The following RARB variants were observed in gnomAD, a reference collection of about 807,000 sequenced individuals.
The protein encoded by RARB is retinoic acid receptor beta, also known as HBV-activated protein.
RARB carries 17 observed loss-of-function variants against 51.9 expected under a neutral mutation model. That is an observed-to-expected ratio of 0.33 (90% CI 0.22 to 0.49). The LOEUF (loss-of-function observed/expected upper bound fraction) is 0.49, where lower values mean the gene tolerates loss of function less well. Ranked by LOEUF, RARB falls within the 20% of genes least tolerant of loss-of-function variation. The probability of loss-of-function intolerance (pLI) is 0.99; values close to 1 mark genes in which losing one functional copy is unlikely to be tolerated. For synonymous variants in RARB, 215 were observed against 195.4 expected, an observed-to-expected ratio of 1.10 and a Z score of -0.84; for missense variants, 369 against 550.8, an observed-to-expected ratio of 0.67 and a Z score of 3.30.
chr3:25,069,454 A>G (rs1470724823), intron 3 of RARB, among the ~76,000 whole-genome samples: 14 of 152,192 alleles, frequency 9.2e-5, no homozygotes, highest in Non-Finnish European at 2.1e-4. Context: ...CCAAATTTAT[A>G]TGCTGGATCA....
At chr3:25,199,050 A>C (rs1701317685) in intron 5 of RARB, among the ~76,000 whole-genome samples, 1 of 152,190 alleles carries the variant, frequency 6.6e-6, no homozygotes, top group South Asian at 2.1e-4. Flanking sequence ...CTAAGTGTCC[A>C]TCAGCAGATG....
chr3:25,512,538 T>C (rs1697947083), intron 3 of RARB, among the ~76,000 whole-genome samples: 1 of 152,230 alleles, frequency 6.6e-6, no homozygotes, highest in African/African-American at 2.4e-5. Context: ...CCCCCAAATG[T>C]GCCACACACT....
At chr3:25,280,735 C>T (rs1042397307) in intron 5 of RARB, among the ~76,000 whole-genome samples, 5 of 152,102 alleles carry the variant, frequency 3.3e-5, no homozygotes, top group Admixed American at 6.5e-5. Flanking sequence ...ATTTTTTCAC[C>T]TTCCGTTGTA....
intron 2 of RARB, among the ~76,000 whole-genome samples, chr3:24,869,155 A>T (rs1559377129): frequency 6.6e-6 from 1 of 152,152 alleles, no homozygotes; most frequent in Non-Finnish European, 1.5e-5. Context: ...TTTATGTATG[A>T]TGTTATTTTA....
chr3:25,339,669 C>G (rs932673003), intron 5 of RARB, among the ~76,000 whole-genome samples: 12 of 151,270 alleles, frequency 7.9e-5, no homozygotes, highest in African/African-American at 2.9e-4. Flanking sequence ...CATACACCCA[C>G]AAAGGCACAG....
At chr3:25,197,180 C>A (rs1235304233) in intron 5 of RARB, among the ~76,000 whole-genome samples, 2 of 152,000 alleles carry the variant, frequency 1.3e-5, no homozygotes, top group Non-Finnish European at 2.9e-5. Flanking sequence ...AGGTTGTCTT[C>A]TAGGGTTATT....
chr3:25,580,779 G>C (rs1275955657), intron 5 of RARB, 57 bp downstream of exon 5: 6 of 1,477,656 alleles, frequency 4.1e-6, no homozygotes, highest in Non-Finnish European at 5.5e-6. Flanking sequence ...GCACCGTGGA[G>C]GGGAGGGAGG....
intron 2 of RARB, among the ~76,000 whole-genome samples, chr3:24,973,967 G>C (rs1390526190): frequency 6.6e-6 from 1 of 151,940 alleles, no homozygotes; most frequent in East Asian, 1.9e-4. Flanking sequence ...AATTGCTCTG[G>C]CCAGAACTTT....
intron 1 of RARB, among the ~76,000 whole-genome samples, chr3:25,434,055 C>T (rs984729569): frequency 6.6e-6 from 1 of 152,128 alleles, no homozygotes; most frequent in East Asian, 1.9e-4. Flanking sequence ...AGACTCTCTG[C>T]CCCCTGCGCG....
At chr3:24,856,877 CTTTTCACA>C (rs1702643194) in intron 1 of RARB, among the ~76,000 whole-genome samples, 1 of 152,140 alleles carries the variant, frequency 6.6e-6, no homozygotes, top group Non-Finnish European at 1.5e-5. Context: ...TCTGTCTCCT[CTTTTCACA>C]TTGAAATGAT....
chr3:25,050,879 C>G (rs1025262866), intron 2 of RARB, among the ~76,000 whole-genome samples: 1 of 152,158 alleles, frequency 6.6e-6, no homozygotes, highest in African/African-American at 2.4e-5. Context: ...AATGAACTTG[C>G]TTCTTGTTGA....
intron 5 of RARB, among the ~76,000 whole-genome samples, chr3:25,292,566 G>A (rs1166596190): frequency 6.6e-6 from 1 of 152,206 alleles, no homozygotes; most frequent in African/African-American, 2.4e-5. Context: ...TAAAACAAGA[G>A]AGAGCTTGCG....
At chr3:24,858,014 C>T (rs965152699) in intron 1 of RARB, among the ~76,000 whole-genome samples, 1 of 152,048 alleles carries the variant, frequency 6.6e-6, no homozygotes, top group Non-Finnish European at 1.5e-5. Context: ...ATTTAGCTTC[C>T]CTAGCAGGAG....
intron 5 of RARB, among the ~76,000 whole-genome samples, chr3:25,206,340 C>T (rs544319491): frequency 2.6e-5 from 4 of 152,068 alleles, no homozygotes; most frequent in Admixed American, 1.3e-4. Context: ...GAGGAAATCT[C>T]GAATGTTTAC....
chr3:25,394,552 T>A (rs1707064005), intron 5 of RARB, among the ~76,000 whole-genome samples: 1 of 152,080 alleles, frequency 6.6e-6, no homozygotes, highest in Non-Finnish European at 1.5e-5. Flanking sequence ...TTGGGTCTAG[T>A]CTTAATTGTT....
intron 5 of RARB, among the ~76,000 whole-genome samples, chr3:25,261,619 A>C (rs1024704620): frequency 1.4e-4 from 21 of 152,096 alleles, no homozygotes; most frequent in Admixed American, 1.1e-3. Flanking sequence ...AGATGCTGCT[A>C]TTTGGCTGGC....
At chr3:25,352,843 A>G (rs1170850919) in intron 5 of RARB, among the ~76,000 whole-genome samples, 1 of 152,184 alleles carries the variant, frequency 6.6e-6, no homozygotes, top group African/African-American at 2.4e-5. Context: ...CTGAGAGCTG[A>G]AAAGACTTGA....
At chr3:24,899,229 A>G (rs1263989636) in intron 2 of RARB, among the ~76,000 whole-genome samples, 1 of 152,180 alleles carries the variant, frequency 6.6e-6, no homozygotes, top group Admixed American at 6.5e-5. Context: ...CCTTTGAAGC[A>G]GGGGGCCCTG....
At chr3:24,878,200 T>A (rs905316282) in intron 2 of RARB, among the ~76,000 whole-genome samples, 12 of 110,812 alleles carry the variant, frequency 1.1e-4, no homozygotes, top group African/African-American at 4.5e-4. Context: ...TATATTAATA[T>A]AGCCAAACCA....
Sources: allele counts gnomAD v4.1 joint callset (sites outside exome capture counted in the v4.1 genomes callset), GRCh38; gene constraint gnomAD v4.1.1; transcripts MANE v1.5; gene names NCBI Gene and HGNC (gene_info 2026-07-23, HGNC 2026-07-21).